The following KAZN variants were observed in gnomAD, a reference collection of about 807,000 sequenced individuals.
The protein encoded by KAZN is kazrin, periplakin interacting protein, also known as kazrin.
Under a neutral mutation model 87.4 loss-of-function variants are expected in KAZN, and 40 were observed. The ratio of observed to expected loss-of-function variants is 0.46; its 90% CI spans 0.36 to 0.60. The LOEUF (loss-of-function observed/expected upper bound fraction) is 0.60, where lower values mean the gene tolerates loss of function less well. Among genes scored for constraint, KAZN ranks in the 20% least tolerant of loss-of-function variants. The pLI, the probability that KAZN is intolerant of heterozygous loss-of-function variation, is 0.00. For missense variants in KAZN, 898 were observed against 1,073.9 expected (o/e 0.84, Z 2.29); for synonymous variants, 466 against 458.3 (o/e 1.02, Z -0.22).
chr1:14,063,574 G>T (rs7534007), intron 1 of KAZN, among the ~76,000 whole-genome samples: 2,347 of 152,264 alleles, frequency 0.015, 71 homozygotes, highest in African/African-American at 0.054. Context: ...ACTCTACAGA[G>T]TTGAAATTCC....
chr1:13,930,427 A>G (rs1011409369), intron 1 of KAZN, among the ~76,000 whole-genome samples: 1 of 152,198 alleles, frequency 6.6e-6, no homozygotes, highest in Non-Finnish European at 1.5e-5. Flanking sequence ...GGTTTTGGCT[A>G]TTGTCACATG....
intron 2 of KAZN, among the ~76,000 whole-genome samples, chr1:14,219,421 T>C (rs1448117922): frequency 6.6e-6 from 1 of 152,210 alleles, no homozygotes; most frequent in African/African-American, 2.4e-5. Flanking sequence ...ATGCAGTTTT[T>C]TGTATCTGTA....
intron 1 of KAZN, among the ~76,000 whole-genome samples, chr1:14,090,432 A>AT (rs150810964): frequency 0.017 from 2,565 of 150,330 alleles, 68 homozygotes; most frequent in African/African-American, 0.059. Context: ...TCCGTCTGGT[A>AT]TTTTTTCCAG....
intron 2 of KAZN, 130 bp from the exon 3 acceptor site, chr1:15,034,619 C>A: frequency 9.0e-7 from 1 of 1,110,924 alleles, no homozygotes; most frequent in Non-Finnish European, 1.3e-6. Flanking sequence ...ATGGAAGGGA[C>A]ATTTCGTCTT....
rs971897345 is a variant in KAZN, at chr1:14,735,129, G to A, written c.226+135906G>A. On this transcript the variant is annotated intron_variant, in intron 1 of 14. Coordinates refer to ENST00000376030, the MANE Select transcript of KAZN (RefSeq NM_201628.3). This position sits in a 1 kb window ranked among gnomAD's most constrained non-coding sequence, Gnocchi z 4.3. The stretch of plus-strand genomic sequence containing the variant: ...GGCCGGACTGTAGTGGCGCTATCTC[G>A]GCTCACTGCGAGCTCCGCCTCCCGG... 5.9e-5 allele frequency among the ~76,000 whole-genome samples: 9 copies of A among 152,098 alleles called. No homozygotes were observed. The highest frequency in any genetic ancestry group is 1.0e-4 in the Non-Finnish European group (7 of 68,018).
intron 1 of KAZN, among the ~76,000 whole-genome samples, chr1:14,021,911 G>A (rs1640841695): frequency 6.7e-6 from 1 of 148,896 alleles, no homozygotes; most frequent in Non-Finnish European, 1.5e-5. Flanking sequence ...TTTTCTCTGG[G>A]ATCAATATTC....
At chr1:14,226,669 G>A (rs1191304349) in intron 2 of KAZN, among the ~76,000 whole-genome samples, 2 of 152,084 alleles carry the variant, frequency 1.3e-5, no homozygotes, top group Non-Finnish European at 2.9e-5. Flanking sequence ...CATCAACAGT[G>A]GACTGGATAA....
intron 2 of KAZN, among the ~76,000 whole-genome samples, chr1:14,348,490 T>C (rs12121323): frequency 9.2e-5 from 14 of 152,216 alleles, no homozygotes; most frequent in Admixed American, 2.0e-4. Context: ...GGATTTTCCA[T>C]GTGGTGGATT....
At chr1:13,970,008 C>A (rs1642080617) in intron 1 of KAZN, among the ~76,000 whole-genome samples, 1 of 152,174 alleles carries the variant, frequency 6.6e-6, no homozygotes, top group African/African-American at 2.4e-5. Context: ...ATGCAAAAAG[C>A]AAATGCAAAA....
At chr1:14,974,660 T>C (rs1279999034) in intron 2 of KAZN, among the ~76,000 whole-genome samples, 1 of 152,158 alleles carries the variant, frequency 6.6e-6, no homozygotes, top group East Asian at 1.9e-4. Context: ...TGGGTACATA[T>C]AACAACATGG....
intron 1 of KAZN, among the ~76,000 whole-genome samples, chr1:14,717,687 G>T (rs973374607): frequency 1.3e-5 from 2 of 152,140 alleles, no homozygotes; most frequent in African/African-American, 4.8e-5. Flanking sequence ...CATGAATTTG[G>T]GGCTGACATG....
At position 14,599,262 on chromosome 1, in the gene KAZN, C is replaced by CA. The variant is rs1478287664; in HGVS notation, c.226+40dup. 1.5e-6 allele frequency: 2 copies of CA among 1,312,034 alleles called. No individual in the cohort carries two copies. Among genetic ancestry groups the CA allele is most frequent in the Non-Finnish European group, 1.9e-6 (2 of 1,032,822 alleles). 81.3% of individuals were successfully genotyped at this position (1,312,034 alleles called of 1,614,324 possible). On this transcript the variant is annotated intron_variant, in intron 1 of 14. Coordinates refer to ENST00000376030, the MANE Select transcript of KAZN (RefSeq NM_201628.3). This position sits in a 1 kb window ranked among gnomAD's most constrained non-coding sequence, Gnocchi z 4.4. ...GGCGCCCAGGGCGGAGGAAGGCGAG[C>CA]AGAGCACGCCCGGCCTCGGAGGTGG...
intron 2 of KAZN, among the ~76,000 whole-genome samples, chr1:14,519,703 GCCAGAGCAC>G (rs901353669): frequency 3.3e-5 from 5 of 152,324 alleles, no homozygotes; most frequent in Admixed American, 3.3e-4. Context: ...AAATGTGGAT[GCCAGAGCAC>G]CCTGGACCCT....
At chr1:14,978,586 G>T (rs994318212) in intron 2 of KAZN, among the ~76,000 whole-genome samples, 3 of 152,164 alleles carry the variant, frequency 2.0e-5, no homozygotes, top group Admixed American at 1.3e-4. Flanking sequence ...TCTGATAGAG[G>T]TTCTTCTTCC....
intron 1 of KAZN, among the ~76,000 whole-genome samples, chr1:13,953,596 CCTTT>C (rs770181971): frequency 2.0e-5 from 3 of 151,914 alleles, no homozygotes; most frequent in Non-Finnish European, 2.9e-5. Context: ...TGTTAGTAAC[CCTTT>C]CTTTCTTTCT....
At chr1:14,316,626 G>T (rs1655673135) in intron 2 of KAZN, among the ~76,000 whole-genome samples, 1 of 151,566 alleles carries the variant, frequency 6.6e-6, no homozygotes, top group Non-Finnish European at 1.5e-5. Context: ...TAGATTCTTA[G>T]GGAAATACTT....
rs1348303184 is a variant in KAZN at position 13,985,540 on chromosome 1, A to C, written c.91+91784A>C. Among the ~76,000 whole-genome samples, 4 of 112,574 alleles carry C rather than the reference A, an allele frequency of 3.6e-5. No individual in the cohort carries two copies. In the South Asian group the frequency reaches 1.3e-3, roughly 38 times the overall value. 73.9% of individuals were successfully genotyped at this position (112,574 alleles called of 152,430 possible). ...ATGGACACAGGAAGGGGAACATCAC[A>C]CTCTGGGGACTGTTGTGGGGTGGGG... On this transcript the variant is annotated intron_variant, in intron 1 of 16. Coordinates refer to the KAZN transcript ENST00000636203.
chr1:14,175,923 A>C lies in KAZN; in HGVS notation c.92-4512A>C, dbSNP rs1646064421. On this transcript the variant is annotated intron_variant, in intron 1 of 16. Transcript: ENST00000636203. ...TCGTAGACCATGGGTAGGTTATTTT[A>C]ATGCCCTTGCCAACTCTTCTCCTCA... 2.6e-5 allele frequency among the ~76,000 whole-genome samples: 4 copies of C among 152,274 alleles called. No individual in the cohort carries two copies. The South Asian group carries it at 8.3e-4, about 32-fold the overall frequency.
At chr1:14,760,130 G>A (rs1644698113) in intron 1 of KAZN, among the ~76,000 whole-genome samples, 1 of 151,960 alleles carries the variant, frequency 6.6e-6, no homozygotes, top group African/African-American at 2.4e-5. Flanking sequence ...GTTCCCCCAG[G>A]CACAACTTTG....
Sources: gnomAD v4.1 joint callset for allele counts (sites outside exome capture counted in the v4.1 genomes callset) on GRCh38, gnomAD v4.1.1 for gene constraint, Gnocchi (gnomAD v3.1) non-coding constraint, MANE v1.5 for transcripts, NCBI Gene and HGNC (gene_info 2026-07-23, HGNC 2026-07-21) for gene names.